WWOX: variants seen among roughly 807,000 people sequenced by gnomAD.
WWOX encodes WW domain containing oxidoreductase.
In WWOX, 69 loss-of-function variants were observed where a neutral mutation model predicts 46.2. The observed-to-expected ratio is 1.49, with a 90% CI of 1.23 to 1.82. WWOX has a LOEUF of 1.82. WWOX is among the 40% of genes most tolerant of loss of function. WWOX has a pLI of 0.00. For missense variants in WWOX, 919 were observed against 542.6 expected (o/e 1.69, Z -6.89); for synonymous variants, 359 against 202.6 (o/e 1.77, Z -6.56).
intron 8 of WWOX, among the ~76,000 whole-genome samples, chr16:79,041,227 A>C (rs1259849075): frequency 6.6e-6 from 1 of 152,104 alleles, no homozygotes; most frequent in Non-Finnish European, 1.5e-5. Flanking sequence ...TCTTCTTTGC[A>C]CTCGTGTGAT....
chr16:78,229,725 C>T (rs1021696488), intron 5 of WWOX, among the ~76,000 whole-genome samples: 7 of 152,038 alleles, frequency 4.6e-5, no homozygotes, highest in Non-Finnish European at 1.0e-4. Flanking sequence ...CATAAACATG[C>T]AGACCATGTG....
intron 8 of WWOX, among the ~76,000 whole-genome samples, chr16:79,031,835 A>C (rs1345942357): frequency 4.2e-5 from 6 of 141,762 alleles, no homozygotes; most frequent in South Asian, 2.1e-4. Context: ...TATATGATAT[A>C]TATATCTTAT....
At chr16:78,261,748 GTGTC>G (rs2079238018) in intron 5 of WWOX, among the ~76,000 whole-genome samples, 1 of 137,624 alleles carries the variant, frequency 7.3e-6, no homozygotes, top group African/African-American at 2.8e-5. Context: ...GTGTGTGTGT[GTGTC>G]TGTCTATCTA....
intron 8 of WWOX, among the ~76,000 whole-genome samples, chr16:78,533,398 A>G (rs1230635535): frequency 9.3e-5 from 12 of 128,828 alleles, no homozygotes; most frequent in African/African-American, 2.4e-4. Flanking sequence ...ATAATATACA[A>G]TTGTTGATGA....
chr16:78,404,300 A>G (rs1483885875), intron 6 of WWOX, among the ~76,000 whole-genome samples: 1 of 152,144 alleles, frequency 6.6e-6, no homozygotes, highest in Non-Finnish European at 1.5e-5. Context: ...GGATTTTGTA[A>G]TTCAACAAAA....
chr16:78,420,141 A>G (rs2082888171), intron 6 of WWOX, among the ~76,000 whole-genome samples: 1 of 152,184 alleles, frequency 6.6e-6, no homozygotes, highest in African/African-American at 2.4e-5. Flanking sequence ...ACATGGAGAG[A>G]TGAAAGTTCA....
intron 8 of WWOX, among the ~76,000 whole-genome samples, chr16:79,047,234 C>T (rs1238935804): frequency 6.6e-6 from 1 of 152,134 alleles, no homozygotes; most frequent in Middle Eastern, 3.4e-3. Context: ...TTGTCCTTAC[C>T]CTCATGGATT....
At chr16:78,257,018 T>C (rs1340131932) in intron 5 of WWOX, among the ~76,000 whole-genome samples, 1 of 152,096 alleles carries the variant, frequency 6.6e-6, no homozygotes, top group Non-Finnish European at 1.5e-5. Context: ...ACATTAGGCT[T>C]TGGACTTGAG....
At chr16:78,374,525 GAATTTTTTTTTTT>G (rs2081769475) in intron 5 of WWOX, among the ~76,000 whole-genome samples, 1 of 95,014 alleles carries the variant, frequency 1.1e-5, no homozygotes, top group Non-Finnish European at 2.0e-5. Flanking sequence ...TTTCTGTCTT[GAATTTTTTTTTTT>G]TTTTTTTTTT....
At chr16:79,134,801 C>A (rs8053118) in intron 8 of WWOX, among the ~76,000 whole-genome samples, 30,734 of 152,084 alleles carry the variant, frequency 0.2, 3,277 homozygotes, top group East Asian at 0.35. Context: ...CTCCAGTTGC[C>A]TGTTTCTTTT....
chr16:78,236,263 A>G (rs553908320), intron 5 of WWOX, among the ~76,000 whole-genome samples: 2 of 152,244 alleles, frequency 1.3e-5, no homozygotes. Flanking sequence ...TATGCAAAGC[A>G]TACAAAGCTG....
chr16:78,998,532 A>G (rs1261628094), intron 8 of WWOX, among the ~76,000 whole-genome samples: 1 of 152,168 alleles, frequency 6.6e-6, no homozygotes, highest in Non-Finnish European at 1.5e-5. Context: ...CTGTGTTCAA[A>G]TCTTGGCTCT....
At chr16:79,055,396 G>C (rs925622150) in intron 8 of WWOX, among the ~76,000 whole-genome samples, 1 of 152,068 alleles carries the variant, frequency 6.6e-6, no homozygotes, top group Non-Finnish European at 1.5e-5. Context: ...TTGACCAATG[G>C]AATGTGGCTG....
intron 8 of WWOX, among the ~76,000 whole-genome samples, chr16:78,620,946 A>G (rs1020284401): frequency 3.3e-5 from 5 of 152,086 alleles, no homozygotes; most frequent in Non-Finnish European, 5.9e-5. Context: ...GTTTCTGGAG[A>G]TTAAAGCATC....
At chr16:79,067,637 C>CGGGGGGGGGGGGGGGGGGGG (rs144613659) in intron 8 of WWOX, among the ~76,000 whole-genome samples, 1 of 80,872 alleles carries the variant, frequency 1.2e-5, no homozygotes, top group Non-Finnish European at 2.8e-5. Context: ...GGGTGGGGGG[C>CGGGGGGGGGGGGGGGGGGGG]GGGGGGGGGC....
chr16:78,408,264 T>G (rs1193618344), intron 6 of WWOX, among the ~76,000 whole-genome samples: 7 of 152,214 alleles, frequency 4.6e-5, no homozygotes, highest in Non-Finnish European at 8.8e-5. Context: ...ACTGGTTTCC[T>G]ATGCTGTCAT....
intron 8 of WWOX, among the ~76,000 whole-genome samples, chr16:78,788,433 C>G (rs527421613): frequency 2.2e-4 from 33 of 152,268 alleles, no homozygotes; most frequent in African/African-American, 7.7e-4. Flanking sequence ...GTCTTCAGAC[C>G]CTCCCCAGAG....
At chr16:78,265,500 G>A (rs370858654) in intron 5 of WWOX, among the ~76,000 whole-genome samples, 3 of 151,866 alleles carry the variant, frequency 2.0e-5, no homozygotes, top group Admixed American at 1.3e-4. Context: ...CCAACATGGA[G>A]AAACCCCGTC....
At chr16:78,869,511 T>G (rs2044080217) in intron 8 of WWOX, among the ~76,000 whole-genome samples, 4 of 152,218 alleles carry the variant, frequency 2.6e-5, no homozygotes, top group African/African-American at 7.2e-5. Flanking sequence ...AGATGAAGGA[T>G]GTAAAATAGG....
Sources: gnomAD v4.1 joint callset for allele counts (sites outside exome capture counted in the v4.1 genomes callset) on GRCh38, gnomAD v4.1.1 for gene constraint, MANE v1.5 for transcripts, NCBI Gene and HGNC (gene_info 2026-07-23, HGNC 2026-07-21) for gene names.